PLXNA4: variants seen among roughly 807,000 people sequenced by gnomAD.
The protein encoded by PLXNA4 is plexin-A4.
A neutral mutation model predicts 191.8 loss-of-function variants in PLXNA4; 44 were observed. That is an observed-to-expected ratio of 0.23 (90% CI 0.18 to 0.29). The LOEUF (loss-of-function observed/expected upper bound fraction) is 0.29. Ranked by LOEUF, PLXNA4 falls within the 10% of genes least tolerant of loss-of-function variation. PLXNA4 has a pLI of 1.00. For missense variants in PLXNA4, 1,800 were observed against 2,488.8 expected (o/e 0.72, Z 5.89); for synonymous variants, 1,082 against 1,009.5 (o/e 1.07, Z -1.36).
intron 3 of PLXNA4, among the ~76,000 whole-genome samples, chr7:132,436,943 G>C (rs1795494114): frequency 6.6e-6 from 1 of 152,152 alleles, no homozygotes; most frequent in African/African-American, 2.4e-5. Flanking sequence ...ACCCCTGCAG[G>C]AGCATGTGGA....
chr7:132,449,433 G>A (rs1315546873), intron 3 of PLXNA4, among the ~76,000 whole-genome samples: 2 of 152,190 alleles, frequency 1.3e-5, no homozygotes, highest in African/African-American at 4.8e-5. Flanking sequence ...CAGAAGGCAG[G>A]AGGAACCATG....
intron 1 of PLXNA4, among the ~76,000 whole-genome samples, chr7:132,569,667 A>G (rs2116747476): frequency 6.6e-6 from 1 of 152,380 alleles, no homozygotes; most frequent in Non-Finnish European, 1.5e-5. Flanking sequence ...TTGTATCCAA[A>G]GCCTAGCTTT....
intron 3 of PLXNA4, among the ~76,000 whole-genome samples, chr7:132,414,415 C>T (rs974600124): frequency 1.3e-5 from 2 of 152,168 alleles, no homozygotes; most frequent in African/African-American, 2.4e-5. Flanking sequence ...CTGCTAAAGA[C>T]TTCCGGAGGG....
At chr7:132,370,853 C>T (rs1448116083) in intron 3 of PLXNA4, among the ~76,000 whole-genome samples, 3 of 152,200 alleles carry the variant, frequency 2.0e-5, no homozygotes, top group African/African-American at 4.8e-5. Flanking sequence ...TGTGGGCATA[C>T]CACGTCCCAG....
chr7:132,526,371 G>T (rs1319578452), intron 1 of PLXNA4, among the ~76,000 whole-genome samples: 2 of 152,132 alleles, frequency 1.3e-5, no homozygotes, highest in Non-Finnish European at 2.9e-5. Flanking sequence ...GATCCTCTTA[G>T]CACAGATGAG....
chr7:132,633,931 TCACACA>T (rs145260888), intron 2 of PLXNA4, among the ~76,000 whole-genome samples: 7 of 150,840 alleles, frequency 4.6e-5, no homozygotes, highest in African/African-American at 1.7e-4. Context: ...CTCCAGCACA[TCACACA>T]CACACACACG....
intron 3 of PLXNA4, among the ~76,000 whole-genome samples, chr7:132,475,535 C>G (rs560232063): frequency 2.0e-5 from 3 of 152,100 alleles, no homozygotes; most frequent in Non-Finnish European, 2.9e-5. Flanking sequence ...TCTGCCCCTG[C>G]CCCCGCACAG....
At chr7:132,362,135 T>G (rs904014550) in intron 3 of PLXNA4, among the ~76,000 whole-genome samples, 4 of 152,102 alleles carry the variant, frequency 2.6e-5, no homozygotes, top group African/African-American at 7.2e-5. Flanking sequence ...ACTTAAGTCA[T>G]AAGACCATTT....
intron 3 of PLXNA4, among the ~76,000 whole-genome samples, chr7:132,489,052 T>C (rs190905263): frequency 2.0e-5 from 3 of 152,262 alleles, no homozygotes; most frequent in Non-Finnish European, 4.4e-5. Flanking sequence ...GTCTGACACC[T>C]CTCATGTGCA....
At chr7:132,250,709 A>G (rs79467740) in intron 4 of PLXNA4, among the ~76,000 whole-genome samples, 4,771 of 152,314 alleles carry the variant, frequency 0.031, 80 homozygotes, top group Middle Eastern at 0.071. Context: ...ATGGGGGATG[A>G]GAGGAGTGTT....
chr7:132,547,689 C>A (rs1276431919), intron 1 of PLXNA4, among the ~76,000 whole-genome samples: 4 of 152,010 alleles, frequency 2.6e-5, no homozygotes, highest in Non-Finnish European at 5.9e-5. Context: ...AAACCAGAAC[C>A]ACAGAGAAAA....
chr7:132,146,467 C>G, intron 28 of PLXNA4, 43 bp downstream of exon 28: 6 of 1,614,142 alleles, frequency 3.7e-6, no homozygotes, highest in Non-Finnish European at 5.1e-6. Context: ...AGTCCCTCTC[C>G]ATAGCCTCTG....
At chr7:132,324,686 A>T (rs906920644) in intron 3 of PLXNA4, among the ~76,000 whole-genome samples, 6 of 152,130 alleles carry the variant, frequency 3.9e-5, no homozygotes, top group African/African-American at 1.4e-4. Flanking sequence ...AGCATTGGAG[A>T]GCCCCTTCAG....
chr7:132,379,717 C>T (rs1804809908), intron 3 of PLXNA4, among the ~76,000 whole-genome samples: 1 of 152,198 alleles, frequency 6.6e-6, no homozygotes, highest in South Asian at 2.1e-4. Flanking sequence ...TAATCTTGTT[C>T]AAGGTTGCAA....
At chr7:132,273,616 G>A (rs1007530209) in intron 4 of PLXNA4, among the ~76,000 whole-genome samples, 4 of 152,156 alleles carry the variant, frequency 2.6e-5, no homozygotes, top group African/African-American at 9.7e-5. Flanking sequence ...GTAGATCAGG[G>A]AAGCTGATGG....
At chr7:132,250,841 A>T (rs1303521296) in intron 4 of PLXNA4, among the ~76,000 whole-genome samples, 1 of 152,152 alleles carries the variant, frequency 6.6e-6, no homozygotes, top group African/African-American at 2.4e-5. Flanking sequence ...ATGGCTACCA[A>T]CACTCCTCAT....
intron 27 of PLXNA4, among the ~76,000 whole-genome samples, chr7:132,147,375 C>T (rs1485552908): frequency 6.6e-6 from 1 of 152,126 alleles, no homozygotes; most frequent in Non-Finnish European, 1.5e-5. Flanking sequence ...AACCAAGGCT[C>T]ATAGTGGTCA....
intron 3 of PLXNA4, among the ~76,000 whole-genome samples, chr7:132,431,304 C>T (rs1283881689): frequency 6.6e-6 from 1 of 152,158 alleles, no homozygotes; most frequent in Non-Finnish European, 1.5e-5. Flanking sequence ...CCACAGTCCA[C>T]AATCACTCCC....
In PLXNA4 at chr7:132,473,236, A is replaced by G. The variant is rs114546572; in HGVS notation, c.1371+16056T>C. On this transcript the variant is annotated intron_variant, in intron 3 of 31. Transcript: ENST00000321063. ...TGCCACTGGCTCAAGCTACCTCTGC[A>G]TGGCTCTGAAGTTGGTTTTTCTGGC... is the stretch of plus-strand genomic sequence containing the variant. 3.6e-3 allele frequency among the ~76,000 whole-genome samples: 552 copies of G among 152,302 alleles called. 1 individual carries two copies. Among genetic ancestry groups the G allele is most frequent in the African/African-American group, 0.013 (534 of 41,570 alleles).
Sources: allele counts gnomAD v4.1 joint callset (sites outside exome capture counted in the v4.1 genomes callset), GRCh38; gene constraint gnomAD v4.1.1; transcripts MANE v1.5; gene names NCBI Gene and HGNC (gene_info 2026-07-23, HGNC 2026-07-21).